Variants in UNC13C observed in about 807,000 individuals in gnomAD.
UNC13C encodes protein unc-13 homolog C.
Under a neutral mutation model 245.4 loss-of-function variants are expected in UNC13C, and 174 were observed. The observed-to-expected ratio is 0.71, with a 90% CI of 0.63 to 0.80. UNC13C has a LOEUF of 0.80. Ranked by LOEUF, UNC13C falls within the 30% of genes least tolerant of loss-of-function variation. UNC13C has a pLI of 0.00. For missense variants in UNC13C, 2,829 were observed against 2,602.9 expected (o/e 1.09, Z -1.89); for synonymous variants, 992 against 895.1 (o/e 1.11, Z -1.93).
At chr15:54,476,505 CCAGTTT>C (rs1415263655) in intron 19 of UNC13C, among the ~76,000 whole-genome samples, 2 of 151,776 alleles carry the variant, frequency 1.3e-5, no homozygotes, top group Middle Eastern at 3.2e-3. Context: ...AGGAAGGGAT[CCAGTTT>C]CAGCTTTCTA....
Position 54,029,488 on chromosome 15 carries a change from A to C in UNC13C, c.2983+13602A>C, listed in dbSNP as rs552442202. Among the ~76,000 whole-genome samples, 3 of 152,362 alleles carry C rather than the reference A, an allele frequency of 2.0e-5. No homozygotes were observed. The South Asian group carries it at 6.2e-4, about 32-fold the overall frequency. On this transcript the variant is annotated intron_variant, in intron 2 of 32. Coordinates refer to ENST00000260323, the MANE Select transcript of UNC13C (RefSeq NM_001080534.3). ...TAGCTGATACTCATATTATCATTCA[A>C]TTGTTTTTTGAAAATATTTATTAGC...
intron 4 of UNC13C, among the ~76,000 whole-genome samples, chr15:54,216,384 C>T (rs2035039332): frequency 6.6e-6 from 1 of 151,896 alleles, no homozygotes; most frequent in South Asian, 2.1e-4. Context: ...GATGGTAATA[C>T]ACAAAACAGA....
chr15:53,860,820 T>C, the UNC13C span, among the ~76,000 whole-genome samples: 1 of 152,198 alleles, frequency 6.6e-6, no homozygotes, highest in Admixed American at 6.6e-5. Context: ...TGGTAGACTA[T>C]TATTTCAGGT....
At chr15:54,261,417 T>G (rs898498346) in intron 8 of UNC13C, among the ~76,000 whole-genome samples, 1 of 152,220 alleles carries the variant, frequency 6.6e-6, no homozygotes, top group Non-Finnish European at 1.5e-5. Context: ...TACTTGTAAA[T>G]CAGTGACAAA....
chr15:54,247,237 T>C lies in UNC13C; in HGVS notation c.3229-2988T>C, dbSNP rs140701349. 3.9e-3 allele frequency among the ~76,000 whole-genome samples: 601 copies of C among 152,304 alleles called. 3 individuals are homozygous for C. Among genetic ancestry groups the C allele is most frequent in the African/African-American group, 0.014 (589 of 41,568 alleles). ...ATTTGCTTCCATCAATAGCAAATTT[T>C]GGGGTTTCCCCTTATTTTCCCCTGC... On this transcript the variant is annotated intron_variant, in intron 7 of 32. Coordinates refer to ENST00000260323, the MANE Select transcript of UNC13C (RefSeq NM_001080534.3).
At chr15:54,399,176 T>C (rs1251752975) in intron 18 of UNC13C, among the ~76,000 whole-genome samples, 2 of 151,698 alleles carry the variant, frequency 1.3e-5, no homozygotes, top group East Asian at 3.9e-4. Flanking sequence ...GGCATCATTA[T>C]TGGAGATAAG....
the UNC13C span, among the ~76,000 whole-genome samples, chr15:53,851,272 C>G: frequency 2.6e-5 from 4 of 151,970 alleles, no homozygotes; most frequent in Non-Finnish European, 5.9e-5. Context: ...TTGTTGTTTT[C>G]CTGCAGAGTA....
At position 54,462,194 on chromosome 15, in the gene UNC13C, C is replaced by G. The variant is rs559865821; in HGVS notation, c.4934-32414C>G. On this transcript the variant is annotated intron_variant, in intron 19 of 32. Transcript: ENST00000260323. ...AAAGAGAGACTACAATCATGAGCCACAAACTCATAATAAAAAGAAAATAGA... is the reference window on the plus strand; with the variant it reads ...AAAGAGAGACTACAATCATGAGCCAGAAACTCATAATAAAAAGAAAATAGA... Among the ~76,000 whole-genome samples the G allele has an allele frequency of 8.5e-5, 13 of 152,262 alleles. No individual in the cohort carries two copies. The South Asian group carries it at 2.7e-3, about 32-fold the overall frequency.
intron 18 of UNC13C, among the ~76,000 whole-genome samples, chr15:54,407,008 TG>T (rs1471336025): frequency 6.6e-6 from 1 of 152,030 alleles, no homozygotes; most frequent in Non-Finnish European, 1.5e-5. Context: ...TAGTAAGGGT[TG>T]GGGAATGAAG....
intron 19 of UNC13C, among the ~76,000 whole-genome samples, chr15:54,434,764 C>A (rs561037740): frequency 6.5e-4 from 99 of 152,016 alleles, no homozygotes; most frequent in Non-Finnish European, 1.2e-3. Flanking sequence ...AGCTTCTGCA[C>A]AGCAAAATAA....
At chr15:54,260,561 A>G (rs1567141844) in intron 8 of UNC13C, among the ~76,000 whole-genome samples, 1 of 149,362 alleles carries the variant, frequency 6.7e-6, no homozygotes, top group African/African-American at 2.4e-5. Context: ...ATATATAATA[A>G]ACACACATAT....
chr15:54,499,410 T>C (rs1364946714), intron 20 of UNC13C, among the ~76,000 whole-genome samples: 1 of 151,962 alleles, frequency 6.6e-6, no homozygotes, highest in South Asian at 2.1e-4. Context: ...GGGACACAGA[T>C]CCAAACCATA....
chr15:54,237,533 T>C (rs1266271495), intron 6 of UNC13C, 86 bp from the exon 7 acceptor site: 7 of 994,446 alleles, frequency 7.0e-6, no homozygotes, highest in African/African-American at 1.6e-5. Context: ...TGATAGCCCA[T>C]ATTCTTGCAT....
At chr15:53,906,589 G>C in the UNC13C span, among the ~76,000 whole-genome samples, 15 of 152,160 alleles carry the variant, frequency 9.9e-5, no homozygotes, top group Non-Finnish European at 2.2e-4. Flanking sequence ...CCTAGCCAAG[G>C]GATCAGCCAG....
intron 17 of UNC13C, among the ~76,000 whole-genome samples, chr15:54,391,244 G>A (rs2039950448): frequency 6.6e-6 from 1 of 151,994 alleles, no homozygotes; most frequent in Non-Finnish European, 1.5e-5. Flanking sequence ...GATAATTAAT[G>A]ATAGTGTTCT....
At chr15:54,380,144 C>A (rs895571809) in intron 17 of UNC13C, among the ~76,000 whole-genome samples, 1 of 151,960 alleles carries the variant, frequency 6.6e-6, no homozygotes, top group African/African-American at 2.4e-5. Flanking sequence ...CACCCCCAAC[C>A]CTACCCTAAC....
At chr15:54,404,557 TGAA>T (rs2040256017) in intron 18 of UNC13C, among the ~76,000 whole-genome samples, 1 of 152,044 alleles carries the variant, frequency 6.6e-6, no homozygotes, top group African/African-American at 2.4e-5. Context: ...GCATTGAAAA[TGAA>T]GAAGAGGTAG....
the UNC13C span, among the ~76,000 whole-genome samples, chr15:53,928,991 T>C: frequency 6.6e-6 from 1 of 152,152 alleles, no homozygotes; most frequent in Admixed American, 6.6e-5. Context: ...CTGGGTGATA[T>C]TATAGGGATT....
intron 4 of UNC13C, among the ~76,000 whole-genome samples, chr15:54,203,804 ATGTC>A (rs1188142907): frequency 5.5e-5 from 6 of 108,528 alleles, no homozygotes; most frequent in Admixed American, 1.8e-4. Flanking sequence ...ACATGTGTAT[ATGTC>A]TGTGTATATA....
Sources: allele counts gnomAD v4.1 joint callset (sites outside exome capture counted in the v4.1 genomes callset), GRCh38; gene constraint gnomAD v4.1.1; transcripts MANE v1.5; gene names NCBI Gene and HGNC (gene_info 2026-07-23, HGNC 2026-07-21).